EPB41L4B: variants seen among roughly 807,000 people sequenced by gnomAD.
EPB41L4B encodes the protein erythrocyte membrane protein band 4.1 like 4B.
Under a neutral mutation model 112.5 loss-of-function variants are expected in EPB41L4B, and 30 were observed. The observed-to-expected ratio is 0.27, with a 90% CI of 0.20 to 0.36. The LOEUF is 0.36. EPB41L4B is among the 10% of genes least tolerant of loss of function. The probability of loss-of-function intolerance (pLI) is 1.00; values close to 1 mark genes in which losing one functional copy is unlikely to be tolerated. For missense variants in EPB41L4B, 1,024 were observed against 1,133.3 expected, an observed-to-expected ratio of 0.90 and a Z score of 1.38; for synonymous variants, 408 against 439.7, an observed-to-expected ratio of 0.93 and a Z score of 0.90.
chr9:109,229,248 C>T (rs1564280677), intron 15 of EPB41L4B, among the ~76,000 whole-genome samples: 2 of 152,178 alleles, frequency 1.3e-5, no homozygotes, highest in Non-Finnish European at 2.9e-5. Context: ...GAATTTACAA[C>T]AGTAATAACT....
intron 24 of EPB41L4B, among the ~76,000 whole-genome samples, chr9:109,182,090 T>C (rs780643649): frequency 1.3e-5 from 2 of 152,060 alleles, no homozygotes; most frequent in Non-Finnish European, 2.9e-5. Context: ...GCAGCTGTAA[T>C]CCTAGCTACT....
In EPB41L4B at chr9:109,320,646, G is replaced by C. The variant is rs1162947996; in HGVS notation, c.-200C>G. The C allele has an allele frequency of 1.3e-5, 2 of 148,534 alleles. No individual in the cohort carries two copies. Among genetic ancestry groups the C allele is most frequent in the African/African-American group, 5.0e-5 (2 of 40,318 alleles). The allele number at this position is 148,534 out of a possible 1,614,324, so 9.2% of individuals were successfully genotyped here. On this transcript the variant is annotated 5_prime_UTR_variant, in exon 1 of 26. Transcript: ENST00000374566. ...AGCCGCCTGCGGGGCGCGCCGGCCCGGCCAGCGCCGGCTGCGAGTGGCCGC... is the reference window on the plus strand; with the variant it reads ...AGCCGCCTGCGGGGCGCGCCGGCCCCGCCAGCGCCGGCTGCGAGTGGCCGC...
At chr9:109,256,786 T>C (rs1410976723) in intron 7 of EPB41L4B, among the ~76,000 whole-genome samples, 1 of 152,140 alleles carries the variant, frequency 6.6e-6, no homozygotes, top group Non-Finnish European at 1.5e-5. Flanking sequence ...CTGCTAAAAA[T>C]ACAGAATTCG....
At chr9:109,204,303 A>T (rs758393214) in intron 18 of EPB41L4B, among the ~76,000 whole-genome samples, 21 of 151,892 alleles carry the variant, frequency 1.4e-4, no homozygotes, top group Admixed American at 1.3e-4. Context: ...CTAGTGGTCA[A>T]TAGAACATGC....
chr9:109,274,260 G>C (rs569094752), intron 2 of EPB41L4B, among the ~76,000 whole-genome samples: 106 of 152,200 alleles, frequency 7.0e-4, no homozygotes, highest in African/African-American at 2.4e-3. Flanking sequence ...CTACCCTCCA[G>C]GACACCTGCT....
chr9:109,208,229 T>C (rs1833047869), intron 17 of EPB41L4B, among the ~76,000 whole-genome samples, 180 bp from the exon 18 acceptor site: 1 of 152,220 alleles, frequency 6.6e-6, no homozygotes, highest in Admixed American at 6.5e-5. Flanking sequence ...AGGCACAGCA[T>C]GTCATTCCCT....
At chr9:109,190,402 G>T (rs563272221) in intron 22 of EPB41L4B, among the ~76,000 whole-genome samples, 200 of 152,324 alleles carry the variant, frequency 1.3e-3, no homozygotes, top group Non-Finnish European at 2.5e-3. Flanking sequence ...TGATGGGAAG[G>T]CCCAGAGAGA....
chr9:109,243,819 G>A, intron 14 of EPB41L4B, 137 bp from the exon 15 acceptor site: 1 of 790,118 alleles, frequency 1.3e-6, no homozygotes, highest in Non-Finnish European at 2.0e-6. Flanking sequence ...TGGCTAGGGG[G>A]TGGATGTTTC....
intron 22 of EPB41L4B, among the ~76,000 whole-genome samples, chr9:109,188,166 G>C (rs1391006224): frequency 6.6e-6 from 1 of 152,168 alleles, no homozygotes; most frequent in Non-Finnish European, 1.5e-5. Context: ...AATGTGTAAG[G>C]CTTCTTCATC....
intron 15 of EPB41L4B, among the ~76,000 whole-genome samples, chr9:109,226,181 C>T (rs1223879448): frequency 1.3e-5 from 2 of 152,142 alleles, no homozygotes; most frequent in African/African-American, 2.4e-5. Flanking sequence ...TTCTCAGGCT[C>T]CCTGTCCTCT....
At chr9:109,319,560 G>A (rs1364955766) in intron 1 of EPB41L4B, among the ~76,000 whole-genome samples, 1 of 152,208 alleles carries the variant, frequency 6.6e-6, no homozygotes, top group Non-Finnish European at 1.5e-5. Context: ...ATGGGAATGG[G>A]GTGTATCCAG....
chr9:109,259,166 G>A (rs756049423), intron 6 of EPB41L4B, among the ~76,000 whole-genome samples: 3 of 152,186 alleles, frequency 2.0e-5, no homozygotes, highest in Non-Finnish European at 2.9e-5. Flanking sequence ...CCAAAACGCA[G>A]AACCTGAAAC....
chr9:109,283,217 G>A (rs546998929), intron 1 of EPB41L4B, among the ~76,000 whole-genome samples: 3 of 152,182 alleles, frequency 2.0e-5, no homozygotes, highest in Middle Eastern at 3.2e-3. Context: ...GCTTCTGGGC[G>A]GTGGGCAGGG....
At chr9:109,195,361 G>A (rs1832605327) in intron 20 of EPB41L4B, among the ~76,000 whole-genome samples, 1 of 152,236 alleles carries the variant, frequency 6.6e-6, no homozygotes. Flanking sequence ...CAAAGCTGCA[G>A]TGCGGATGGG....
intron 11 of EPB41L4B, 38 bp from the exon 12 acceptor site, chr9:109,253,588 A>G (rs1418515973): frequency 7.6e-7 from 1 of 1,308,904 alleles, no homozygotes; most frequent in South Asian, 1.2e-5. Context: ...TATCAATATC[A>G]GAATCTCAGT....
At chr9:109,198,459 G>A (rs1013705780) in intron 20 of EPB41L4B, among the ~76,000 whole-genome samples, 2 of 152,162 alleles carry the variant, frequency 1.3e-5, no homozygotes, top group African/African-American at 4.8e-5. Flanking sequence ...ACTTTTCCAA[G>A]AGCTTACAGC....
intron 14 of EPB41L4B, 92 bp from the exon 15 acceptor site, chr9:109,243,774 GGCTGGGGGACTAAGA>G: frequency 7.9e-7 from 1 of 1,273,456 alleles, no homozygotes; most frequent in Non-Finnish European, 1.1e-6. Flanking sequence ...CCACCCGAGG[GGCTGGGGGACTAAGA>G]ATGGAAAGGC....
At chr9:109,276,311 G>T (rs562481913) in intron 2 of EPB41L4B, among the ~76,000 whole-genome samples, 2 of 103,960 alleles carry the variant, frequency 1.9e-5, no homozygotes, top group African/African-American at 2.8e-5. Context: ...TGAAGGGTGA[G>T]GGGGGGGTCA....
intron 1 of EPB41L4B, among the ~76,000 whole-genome samples, chr9:109,287,996 C>T (rs1836363801): frequency 6.6e-6 from 1 of 152,242 alleles, no homozygotes; most frequent in South Asian, 2.1e-4. Context: ...ACTACAGCAA[C>T]AGGCCCCTAA....
Sources: gnomAD v4.1 joint callset for allele counts (sites outside exome capture counted in the v4.1 genomes callset) on GRCh38, gnomAD v4.1.1 for gene constraint, MANE v1.5 for transcripts, NCBI Gene and HGNC (gene_info 2026-07-23, HGNC 2026-07-21) for gene names.